Variants in THAP5 observed in about 807,000 individuals in gnomAD.
THAP5 encodes the protein THAP domain-containing protein 5.
Under a neutral mutation model 34.0 loss-of-function variants are expected in THAP5, and 26 were observed. That is an observed-to-expected ratio of 0.77 (90% CI 0.56 to 1.06). The LOEUF (loss-of-function observed/expected upper bound fraction) is 1.06, where lower values mean the gene tolerates loss of function less well. Ranked by LOEUF, THAP5 falls within the 50% of genes least tolerant of loss-of-function variation. The pLI, the probability that THAP5 is intolerant of heterozygous loss-of-function variation, is 0.00. For missense variants in THAP5, 394 were observed against 452.8 expected (o/e 0.87, Z 1.18); for synonymous variants, 125 against 153.0 (o/e 0.82, Z 1.35).
At position 108,565,019 on chromosome 7, in the gene THAP5, T is replaced by C; in HGVS notation, c.360A>G (p.Ser120=). 6.4e-7 allele frequency: 1 copy of C among 1,551,020 alleles called. No individual in the cohort carries two copies. Among genetic ancestry groups the C allele is most frequent in the East Asian group, 2.4e-5 (1 of 40,874 alleles). ...EVCPKAKSEE[S]FVLNETKKNI... is the part of the protein sequence containing the mutation. ...TTTTCTTTGTCTCATTTAATACAAA[T>C]GATTCTTCTGACTTGGCTTTTGGGC... is the stretch of plus-strand genomic sequence containing the variant. The change falls in exon 3 of 3, where the codon TCA becomes TCG. Residue 120 remains serine, a synonymous_variant. Coordinates refer to ENST00000415914, the MANE Select transcript of THAP5 (RefSeq NM_001130475.3).
chr7:108,551,761 G>C (rs1046943846), downstream of THAP5, among the ~76,000 whole-genome samples: 1 of 152,120 alleles, frequency 6.6e-6, no homozygotes, highest in Non-Finnish European at 1.5e-5. Flanking sequence ...AAATATAGAT[G>C]CTCAGGCTTT....
chr7:108,569,023 G>C (rs1790549197), intron 1 of THAP5: 1 of 829,772 alleles, frequency 1.2e-6, no homozygotes, highest in Non-Finnish European at 1.5e-6. Flanking sequence ...AAACTTTCAA[G>C]GTCGGTTACC....
chr7:108,551,438 A>T (rs1008767722), downstream of THAP5, among the ~76,000 whole-genome samples: 1 of 152,212 alleles, frequency 6.6e-6, no homozygotes, highest in Non-Finnish European at 1.5e-5. Context: ...CTTCTTCCAT[A>T]TAAGGATGTG....
Position 108,569,684 on chromosome 7 carries a change from C to A in THAP5, c.-115G>T. On this transcript the variant is annotated 5_prime_UTR_variant, in exon 1 of 3. Transcript: ENST00000415914. ...GAGCCCCTGCGCCTGCGCTAGCATT[C>A]TGCCGGGAAAGCCGCCTCGTCTGTC... The A allele has an allele frequency of 7.2e-7, 1 of 1,388,672 alleles. No individual in the cohort carries two copies. The highest frequency in any genetic ancestry group is 9.8e-7 in the Non-Finnish European group (1 of 1,022,196). The allele number at this position is 1,388,672 out of a possible 1,614,324, so 86.0% of individuals were successfully genotyped here.
At position 108,565,945 on chromosome 7, in the gene THAP5, T is replaced by G; in HGVS notation, c.158A>C (p.Tyr53Ser). 1.0e-5 allele frequency: 16 copies of G among 1,551,130 alleles called. No homozygotes were observed. The highest frequency in any genetic ancestry group is 1.4e-5 in the Non-Finnish European group (16 of 1,146,880). The change falls in exon 2 of 3, where the codon TAC becomes TCC. Residue 53 changes from tyrosine to serine, a missense_variant. Transcript: ENST00000415914. ...AAAATGGTCACTACATAGAAACTGG[T>G]ATTTACTGGGAACCCATGAATCTCG... ...MKRDSWVPSK[Y>S]QFLCSDHFTP...
At chr7:108,558,006 T>C (rs536459936), downstream of THAP5, among the ~76,000 whole-genome samples, 4 of 152,142 alleles carry the variant, frequency 2.6e-5, no homozygotes, top group Non-Finnish European at 5.9e-5. Context: ...CCTTCTTCAC[T>C]TGGTGGAGTG....
chr7:108,569,653 C>T lies in THAP5; in HGVS notation c.-84G>A, dbSNP rs977173973. On this transcript the variant is annotated 5_prime_UTR_variant, in exon 1 of 3. Coordinates refer to ENST00000415914, the MANE Select transcript of THAP5 (RefSeq NM_001130475.3). ...ACTGAGGATGCGCCACAGGTCCAGG[C>T]CTCTCGAGCCCCTGCGCCTGCGCTA... The T allele has an allele frequency of 3.3e-6, 5 of 1,501,994 alleles. No individual in the cohort carries two copies. Among genetic ancestry groups the T allele is most frequent in the African/African-American group, 1.4e-5 (1 of 71,994 alleles). 93.0% of individuals were successfully genotyped at this position (1,501,994 alleles called of 1,614,324 possible). A position where few individuals can be genotyped will look rare whatever the true frequency, so the allele number is the denominator to read the frequency against.
chr7:108,548,364 T>A, the THAP5 span, among the ~76,000 whole-genome samples: 2 of 152,138 alleles, frequency 1.3e-5, no homozygotes, highest in Non-Finnish European at 2.9e-5. Flanking sequence ...CATAAAAAGC[T>A]TATACTTTGG....
At chr7:108,552,505 A>G (rs1277731993), downstream of THAP5, among the ~76,000 whole-genome samples, 1 of 152,144 alleles carries the variant, frequency 6.6e-6, no homozygotes, top group Non-Finnish European at 1.5e-5. Context: ...TTACCTTTTA[A>G]AAGTATCTCT....
At chr7:108,558,409 A>ATATG (rs1437376931), downstream of THAP5, among the ~76,000 whole-genome samples, 1 of 134,732 alleles carries the variant, frequency 7.4e-6, no homozygotes, top group Admixed American at 7.3e-5. Context: ...ATATATATAT[A>ATATG]TATATTTAGA....
chr7:108,564,331 A>C lies in THAP5; in HGVS notation c.1048T>G (p.Leu350Val), dbSNP rs1374791880. 1 of 1,613,744 alleles carries C rather than the reference A, an allele frequency of 6.2e-7. No individual in the cohort carries two copies. Among genetic ancestry groups the C allele is most frequent in the African/African-American group, 1.3e-5 (1 of 74,998 alleles). The part of the protein sequence containing the change: ...KLHSKITLLE[L>V]KEQQTLGRLK... Reference sequence around the variant, plus strand: ...CTACCTAGAGTTTGTTGCTCTTTTAACTCTAGAAGAGTTATCTTTGAATGT... The same window carrying C: ...CTACCTAGAGTTTGTTGCTCTTTTACCTCTAGAAGAGTTATCTTTGAATGT... Residue 350 changes from leucine (L) to valine (V), a missense_variant, in exon 3 of 3, where the codon TTA (leucine) becomes GTA (valine). By Grantham distance (32) the Leu-to-Val change is conservative. Coordinates refer to ENST00000415914, the MANE Select transcript of THAP5 (RefSeq NM_001130475.3).
rs1459148633 is a variant in THAP5, at chr7:108,562,283, AAATT to A, written c.*1904_*1907del. Reference sequence around the variant, plus strand: ...ACTCAAGATTATTTTCATCTGTATTAAATTAAGTATTTGCAAAATGCAACATAGG... The same window carrying A: ...ACTCAAGATTATTTTCATCTGTATTAAAGTATTTGCAAAATGCAACATAGG... On this transcript the variant is annotated 3_prime_UTR_variant, in exon 3 of 3. Coordinates refer to ENST00000415914, the MANE Select transcript of THAP5 (RefSeq NM_001130475.3). 1.3e-5 allele frequency: 1 copy of A among 76,628 alleles called. No homozygotes were observed. The highest frequency in any genetic ancestry group is 3.4e-5 in the Non-Finnish European group (1 of 29,772). 4.7% of individuals were successfully genotyped at this position (76,628 alleles called of 1,614,324 possible). A position where few individuals can be genotyped will look rare whatever the true frequency, so the allele number is the denominator to read the frequency against.
the THAP5 span, among the ~76,000 whole-genome samples, chr7:108,545,010 A>C: frequency 6.6e-6 from 1 of 152,254 alleles, no homozygotes; most frequent in African/African-American, 2.4e-5. Flanking sequence ...AGGAAGAGGC[A>C]ATCAAAGGAA....
rs975797594 is a variant in THAP5, at chr7:108,563,933, T to C, written c.*258A>G. The C allele has an allele frequency of 3.1e-5, 9 of 293,502 alleles. No individual in the cohort carries two copies. Among genetic ancestry groups the C allele is most frequent in the Admixed American group, 4.6e-5 (1 of 21,898 alleles). 18.2% of individuals were successfully genotyped at this position (293,502 alleles called of 1,614,324 possible). ...CTTTGAACACTTCTTTGTTTTCTCA[T>C]GTTATAACTGAATCCTTCTATGTGC... is the stretch of plus-strand genomic sequence containing the variant. On this transcript the variant is annotated 3_prime_UTR_variant, in exon 3 of 3. Transcript: ENST00000415914.
At chr7:108,551,194 C>T (rs1864351706), downstream of THAP5, among the ~76,000 whole-genome samples, 1 of 152,014 alleles carries the variant, frequency 6.6e-6, no homozygotes, top group Non-Finnish European at 1.5e-5. Context: ...CTGTTTTTTA[C>T]TTATTTATTT....
At chr7:108,547,247 G>A in the THAP5 span, among the ~76,000 whole-genome samples, 1 of 152,032 alleles carries the variant, frequency 6.6e-6, no homozygotes, top group East Asian at 1.9e-4. Context: ...TTTTTCATCC[G>A]TGGTTCAGGT....
chr7:108,552,907 C>T (rs1271251699), downstream of THAP5, among the ~76,000 whole-genome samples: 1 of 152,174 alleles, frequency 6.6e-6, no homozygotes, highest in Non-Finnish European at 1.5e-5. Context: ...ATTACATAAA[C>T]TCTTCATACA....
rs1240398326 is a variant in THAP5 at position 108,565,000 on chromosome 7, T to A, written c.379A>T (p.Lys127Ter). The A allele has an allele frequency of 1.9e-6, 3 of 1,552,010 alleles. No individual in the cohort carries two copies. In the African/African-American group the frequency reaches 4.1e-5, roughly 21 times the overall value. The stretch of plus-strand genomic sequence containing the variant: ...ACATCTGTGTTAACTATATTTTTCT[T>A]TGTCTCATTTAATACAAATGATTCT... ...SEESFVLNETKKNIVNTDVPH... is the reference protein window; with the variant it reads ...SEESFVLNET Residue 127 changes from lysine to a stop codon, truncating the protein, a stop_gained, in exon 3 of 3, where the codon AAG becomes TAG. Transcript: ENST00000415914. LOFTEE classifies it high-confidence loss of function.
chr7:108,568,073 T>C (rs1488033422), intron 1 of THAP5, among the ~76,000 whole-genome samples: 1 of 152,244 alleles, frequency 6.6e-6, no homozygotes, highest in Non-Finnish European at 1.5e-5. Context: ...ATTAGTACAG[T>C]AGTATTTCCC....
Sources: gnomAD v4.1 joint callset for allele counts (sites outside exome capture counted in the v4.1 genomes callset) on GRCh38, gnomAD v4.1.1 for gene constraint, MANE v1.5 for transcripts, NCBI Gene and HGNC (gene_info 2026-07-23, HGNC 2026-07-21) for gene names.